PTPRG: variants seen among roughly 807,000 people sequenced by gnomAD.
PTPRG encodes the protein protein tyrosine phosphatase receptor type G, also known as receptor-type tyrosine-protein phosphatase gamma.
In PTPRG, 102 loss-of-function variants were observed where a neutral mutation model predicts 165.3. That is an observed-to-expected ratio of 0.62 (90% CI 0.53 to 0.73). PTPRG has a LOEUF of 0.73. Ranked by LOEUF, PTPRG falls within the 30% of genes least tolerant of loss-of-function variation. The pLI is 0.00. For synonymous variants in PTPRG, 675 were observed against 669.5 expected, an observed-to-expected ratio of 1.01 and a Z score of -0.13; for missense variants, 1,866 against 1,861.4, an observed-to-expected ratio of 1.00 and a Z score of -0.05.
At chr3:61,636,624 G>A (rs1297565824) in intron 1 of PTPRG, among the ~76,000 whole-genome samples, 1 of 152,150 alleles carries the variant, frequency 6.6e-6, no homozygotes, top group Non-Finnish European at 1.5e-5. Flanking sequence ...GCCCAGCCTT[G>A]TTGTATCAAT....
chr3:61,920,205 A>T (rs1473517806), intron 2 of PTPRG, among the ~76,000 whole-genome samples: 1 of 152,060 alleles, frequency 6.6e-6, no homozygotes, highest in Non-Finnish European at 1.5e-5. Context: ...CTTAATACCA[A>T]CCATATCTGT....
At chr3:61,942,381 A>G (rs2039652497) in intron 2 of PTPRG, among the ~76,000 whole-genome samples, 1 of 152,232 alleles carries the variant, frequency 6.6e-6, no homozygotes, top group African/African-American at 2.4e-5. Context: ...TTTTCTTCAT[A>G]TACCTATTAA....
intron 4 of PTPRG, among the ~76,000 whole-genome samples, chr3:62,040,914 T>G (rs7647422): frequency 0.074 from 11,254 of 152,220 alleles, 440 homozygotes; most frequent in Non-Finnish European, 0.08. Flanking sequence ...GGTGACTGAC[T>G]TAGGCTATGC....
intron 1 of PTPRG, among the ~76,000 whole-genome samples, chr3:61,622,053 A>C (rs1178681678): frequency 6.6e-6 from 1 of 152,174 alleles, no homozygotes; most frequent in Non-Finnish European, 1.5e-5. Flanking sequence ...AAAATAACAG[A>C]TGGTACAGTA....
At chr3:61,923,117 GT>G (rs200915452) in intron 2 of PTPRG, among the ~76,000 whole-genome samples, 10,108 of 152,142 alleles carry the variant, frequency 0.066, 449 homozygotes, top group East Asian at 0.23. Context: ...CTAGAGCTTA[GT>G]AGGTACTGAT....
chr3:62,081,390 G>A (rs1013571842), intron 5 of PTPRG, among the ~76,000 whole-genome samples: 6 of 152,240 alleles, frequency 3.9e-5, no homozygotes, highest in African/African-American at 4.8e-5. Flanking sequence ...TTGCCCAGGC[G>A]GAAGTGTAGT....
intron 1 of PTPRG, among the ~76,000 whole-genome samples, chr3:61,715,439 G>C (rs540259056): frequency 6.6e-6 from 1 of 152,076 alleles, no homozygotes; most frequent in African/African-American, 2.4e-5. Context: ...GGCTGGTCTT[G>C]AACTCCTGGG....
chr3:62,095,094 A>G (rs189533636), intron 5 of PTPRG, among the ~76,000 whole-genome samples: 1 of 152,366 alleles, frequency 6.6e-6, no homozygotes, highest in Admixed American at 6.5e-5. Context: ...CTGGATACCC[A>G]GCAAAGTACC....
At chr3:62,076,073 C>T (rs986585245) in intron 4 of PTPRG, among the ~76,000 whole-genome samples, 1 of 152,076 alleles carries the variant, frequency 6.6e-6, no homozygotes, top group Non-Finnish European at 1.5e-5. Context: ...CTCAGTTACT[C>T]TAAACCAGCC....
chr3:62,115,387 G>A (rs1466431196), intron 5 of PTPRG, among the ~76,000 whole-genome samples: 1 of 151,980 alleles, frequency 6.6e-6, no homozygotes, highest in African/African-American at 2.4e-5. Context: ...ATTTTTTTTG[G>A]TAGCATATAT....
intron 4 of PTPRG, among the ~76,000 whole-genome samples, chr3:62,047,469 C>G (rs932847383): frequency 4.6e-5 from 7 of 152,060 alleles, no homozygotes; most frequent in African/African-American, 7.2e-5. Flanking sequence ...GCCATGTTGG[C>G]CAGGTTAGTG....
chr3:61,741,659 C>T (rs988067621), intron 1 of PTPRG, among the ~76,000 whole-genome samples: 3 of 152,206 alleles, frequency 2.0e-5, no homozygotes, highest in African/African-American at 7.2e-5. Context: ...TAACCTTTGT[C>T]ATATAATCAC....
chr3:61,864,312 C>G (rs1006311127), intron 2 of PTPRG, among the ~76,000 whole-genome samples: 2 of 152,130 alleles, frequency 1.3e-5, no homozygotes, highest in African/African-American at 4.8e-5. Flanking sequence ...CACAAGTGTC[C>G]TAATATCTCA....
At chr3:61,586,374 G>C (rs1700435010) in intron 1 of PTPRG, among the ~76,000 whole-genome samples, 1 of 152,204 alleles carries the variant, frequency 6.6e-6, no homozygotes, top group Admixed American at 6.5e-5. Context: ...TCATGTAAAA[G>C]TTTGGGATTG....
At chr3:61,698,859 G>A (rs1478286861) in intron 1 of PTPRG, among the ~76,000 whole-genome samples, 1 of 152,114 alleles carries the variant, frequency 6.6e-6, no homozygotes, top group Non-Finnish European at 1.5e-5. Context: ...ATGAGTTCAT[G>A]TCCTTTGTAG....
intron 2 of PTPRG, among the ~76,000 whole-genome samples, chr3:61,810,992 T>C (rs1291077616): frequency 6.6e-6 from 1 of 152,048 alleles, no homozygotes. Context: ...GGAGGGCAGG[T>C]TAGGGTGAAT....
Position 62,124,398 on chromosome 3 carries a change from A to G in PTPRG, c.616-8204A>G. 2.5e-6 allele frequency: 4 copies of G among 1,613,750 alleles called. No homozygotes were observed. In the South Asian group the frequency reaches 3.3e-5, roughly 13 times the overall value. The stretch of plus-strand genomic sequence containing the variant: ...AGGGTGATCTGCAGGTCCAAGATGT[A>G]GTCGATGACGTGCTGCAGGATTTCC... On this transcript the variant is annotated intron_variant, in intron 5 of 29. Transcript: ENST00000474889.
Position 62,213,651 on chromosome 3 carries a change from A to G in PTPRG, c.2156-5200A>G, listed in dbSNP as rs1438185304. On this transcript the variant is annotated intron_variant, in intron 12 of 29. Transcript: ENST00000474889. The surrounding 1 kb of genome is among the most constrained non-coding windows in gnomAD (Gnocchi z 4.4). ...TCAGGTCTGCCTGAGTCTGGGGTGCAGAATTGCCCATCTTGTGGCACGCTG... is the reference window on the plus strand; with the variant it reads ...TCAGGTCTGCCTGAGTCTGGGGTGCGGAATTGCCCATCTTGTGGCACGCTG... Among the ~76,000 whole-genome samples the G allele has an allele frequency of 3.9e-5, 6 of 152,158 alleles. No homozygotes were observed.
chr3:62,004,726 G>C (rs1416454491), intron 4 of PTPRG, among the ~76,000 whole-genome samples: 2 of 152,200 alleles, frequency 1.3e-5, no homozygotes, highest in African/African-American at 4.8e-5. Context: ...AACAGTTCCA[G>C]CCGATGGCTG....
Sources: allele counts gnomAD v4.1 joint callset (sites outside exome capture counted in the v4.1 genomes callset), GRCh38; gene constraint gnomAD v4.1.1; non-coding constraint Gnocchi (gnomAD v3.1); transcripts MANE v1.5; gene names NCBI Gene and HGNC (gene_info 2026-07-23, HGNC 2026-07-21).